MAPK10: variants seen among roughly 807,000 people sequenced by gnomAD.
MAPK10 encodes the protein JNK3 alpha protein kinase.
MAPK10 carries 25 observed loss-of-function variants against 59.3 expected under a neutral mutation model. The observed-to-expected ratio is 0.42, with a 90% CI of 0.31 to 0.59. MAPK10 has a LOEUF of 0.59. Among genes scored for constraint, MAPK10 ranks in the 20% least tolerant of loss-of-function variants. The pLI, the probability that MAPK10 is intolerant of heterozygous loss-of-function variation, is 0.15. For synonymous variants in MAPK10, 190 were observed against 200.5 expected (o/e 0.95, Z 0.44); for missense variants, 351 against 568.9 (o/e 0.62, Z 3.90).
chr4:86,544,065 G>A (rs1758947624), intron 1 of MAPK10, among the ~76,000 whole-genome samples: 1 of 152,188 alleles, frequency 6.6e-6, no homozygotes, highest in African/African-American at 2.4e-5. Context: ...TTGCTCATGT[G>A]GAGGGAGAGA....
intron 1 of MAPK10, among the ~76,000 whole-genome samples, chr4:86,501,566 T>C (rs1755329260): frequency 6.6e-6 from 1 of 151,982 alleles, no homozygotes; most frequent in Non-Finnish European, 1.5e-5. Context: ...TTTTTATAAT[T>C]AGTTGGGTTA....
At chr4:86,283,708 T>C (rs2094901555) in intron 2 of MAPK10, among the ~76,000 whole-genome samples, 1 of 152,188 alleles carries the variant, frequency 6.6e-6, no homozygotes, top group Admixed American at 6.5e-5. Context: ...TTTTATAAAA[T>C]GGAGAAAGAA....
chr4:86,107,599 G>T, intron 4 of MAPK10: 1 of 1,118,218 alleles, frequency 8.9e-7, no homozygotes, highest in East Asian at 5.1e-5. Flanking sequence ...GGGGGAAGGA[G>T]TAGAAGAGGG....
At chr4:86,228,871 C>T (rs2148659583) in intron 2 of MAPK10, among the ~76,000 whole-genome samples, 1 of 152,278 alleles carries the variant, frequency 6.6e-6, no homozygotes. Flanking sequence ...TCATGAGCAA[C>T]AATGACTATA....
chr4:86,240,420 A>T (rs1290791824), intron 2 of MAPK10, among the ~76,000 whole-genome samples: 1 of 152,146 alleles, frequency 6.6e-6, no homozygotes, highest in African/African-American at 2.4e-5. Flanking sequence ...TTTCTGTCTC[A>T]TCGATCTGTC....
At chr4:86,551,642 A>G (rs1759798120) in intron 1 of MAPK10, among the ~76,000 whole-genome samples, 1 of 147,510 alleles carries the variant, frequency 6.8e-6, no homozygotes, top group Admixed American at 6.8e-5. Flanking sequence ...GTCTCACTCT[A>G]TCACCCAGGC....
intron 3 of MAPK10, among the ~76,000 whole-genome samples, chr4:86,177,582 A>G (rs2075966207): frequency 6.6e-6 from 1 of 152,094 alleles, no homozygotes; most frequent in East Asian, 1.9e-4. Flanking sequence ...TAATTCTGGA[A>G]CCAAGCTTAA....
chr4:86,223,031 C>T (rs2089963499), intron 2 of MAPK10, among the ~76,000 whole-genome samples: 2 of 152,232 alleles, frequency 1.3e-5, no homozygotes, highest in Admixed American at 1.3e-4. Flanking sequence ...CTATCCCTGA[C>T]ACTGTCAAGA....
At position 86,064,401 on chromosome 4, in the gene MAPK10, A is replaced by G. The variant is rs745772086; in HGVS notation, c.986-11T>C. ...CCCTGGCTTGGCTGGCTGAAACAAT[A>G]AATGAGAAAAACAATTAGTAAGATT... On this transcript the variant is annotated splice_polypyrimidine_tract_variant and intron_variant, in intron 10 of 13. Transcript: ENST00000641462. 6 of 1,610,662 alleles carry G rather than the reference A, an allele frequency of 3.7e-6. No homozygotes were observed. The highest frequency in any genetic ancestry group is 5.1e-6 in the Non-Finnish European group (6 of 1,179,088).
At chr4:86,146,307 G>T (rs1200627025) in intron 4 of MAPK10, among the ~76,000 whole-genome samples, 2 of 152,196 alleles carry the variant, frequency 1.3e-5, no homozygotes, top group Admixed American at 1.3e-4. Flanking sequence ...AGTGGGAAAT[G>T]GACAATGTAA....
In MAPK10 at chr4:86,056,946, ATTTTATTTTAT is replaced by A. The variant is rs1302946026; in HGVS notation, c.1110+7309_1110+7319del. On this transcript the variant is annotated intron_variant, in intron 11 of 13. Coordinates refer to ENST00000641462, the MANE Select transcript of MAPK10 (RefSeq NM_138982.4). ...TTGGTCAGGACTTTTTTGTTTATTT[ATTTTATTTTAT>A]TTTATTTTATTTTATTTATTTTTTT... 6.8e-5 allele frequency among the ~76,000 whole-genome samples: 10 copies of A among 146,200 alleles called. 2 individuals carry two copies. The highest frequency in any genetic ancestry group is 4.2e-4 in the South Asian group (2 of 4,758).
chr4:86,154,186 G>T (rs1467327682), intron 4 of MAPK10, among the ~76,000 whole-genome samples: 2 of 152,048 alleles, frequency 1.3e-5, no homozygotes, highest in Non-Finnish European at 2.9e-5. Context: ...AAAACCTCTG[G>T]ATGATCTTAC....
At position 86,016,531 on chromosome 4, in the gene MAPK10, G is replaced by A. The variant is rs1485014625; in HGVS notation, c.*697C>T. The stretch of plus-strand genomic sequence containing the variant: ...CAAATTTGGAAGCTACATCTTCAAG[G>A]GTCTGAGAGAGCTCACTCCCCCCAT... On this transcript the variant is annotated 3_prime_UTR_variant, in exon 14 of 14. Transcript: ENST00000641462. 1 of 152,548 alleles carries A rather than the reference G, an allele frequency of 6.6e-6. No individual in the cohort carries two copies. Among genetic ancestry groups the A allele is most frequent in the African/African-American group, 2.4e-5 (1 of 41,380 alleles). 9.4% of individuals were successfully genotyped at this position (152,548 alleles called of 1,614,324 possible).
chr4:86,509,425 TTGTC>T (rs936382765), intron 1 of MAPK10, among the ~76,000 whole-genome samples: 8 of 151,716 alleles, frequency 5.3e-5, no homozygotes, highest in African/African-American at 1.7e-4. Flanking sequence ...AAAAATTGCT[TTGTC>T]TGTCTGTTAC....
intron 9 of MAPK10, among the ~76,000 whole-genome samples, chr4:86,086,806 G>A (rs2051978935): frequency 6.6e-6 from 1 of 152,012 alleles, no homozygotes; most frequent in Admixed American, 6.6e-5. Context: ...AATCAGTAAT[G>A]TCTTATACAT....
At position 86,359,263 on chromosome 4, in the gene MAPK10, C is replaced by CCTCTCTCTCTCTCTCTCTCTCT. The variant is rs367595812; in HGVS notation, c.-122+373_-122+394dup. On this transcript the variant is annotated intron_variant, in intron 1 of 13. Coordinates refer to ENST00000641462, the MANE Select transcript of MAPK10 (RefSeq NM_138982.4). ...CACAGCTGTTTGGTGTTTTTTTTTT[C>CCTCTCTCTCTCTCTCTCTCTCT]CTCTCTCTCTCTCTCTCTCTCTCTC... 7.7e-4 allele frequency among the ~76,000 whole-genome samples: 41 copies of CCTCTCTCTCTCTCTCTCTCTCT among 53,456 alleles called. 2 individuals are homozygous for CCTCTCTCTCTCTCTCTCTCTCT. The highest frequency in any genetic ancestry group is 2.1e-3 in the East Asian group (3 of 1,418). The allele number at this position is 53,456 out of a possible 152,430, so 35.1% of individuals were successfully genotyped here.
intron 2 of MAPK10, among the ~76,000 whole-genome samples, chr4:86,216,095 G>C (rs939008884): frequency 3.3e-5 from 5 of 151,922 alleles, no homozygotes; most frequent in Admixed American, 6.6e-5. Context: ...ATTACCATGT[G>C]ATCCAGCAAT....
intron 10 of MAPK10, 78 bp downstream of exon 10, chr4:86,067,695 G>C (rs1034826885): frequency 8.6e-7 from 1 of 1,165,082 alleles, no homozygotes; most frequent in Non-Finnish European, 1.2e-6. Context: ...AAGAGAAAGA[G>C]ATAGAGGTCT....
At chr4:86,472,843 C>T (rs1752765521) in intron 1 of MAPK10, among the ~76,000 whole-genome samples, 2 of 152,156 alleles carry the variant, frequency 1.3e-5, no homozygotes, top group Non-Finnish European at 2.9e-5. Flanking sequence ...GACTTTGTAA[C>T]TCTACTTCAT....
Sources: allele counts gnomAD v4.1 joint callset (sites outside exome capture counted in the v4.1 genomes callset), GRCh38; gene constraint gnomAD v4.1.1; transcripts MANE v1.5; gene names NCBI Gene and HGNC (gene_info 2026-07-23, HGNC 2026-07-21).